The following GALNT1 variants were observed in gnomAD, a reference collection of about 807,000 sequenced individuals.
The protein encoded by GALNT1 is GalNAc transferase 1.
A neutral mutation model predicts 65.7 loss-of-function variants in GALNT1; 17 were observed. The observed-to-expected ratio is 0.26, with a 90% CI of 0.18 to 0.39. GALNT1 has a LOEUF of 0.39. Ranked by LOEUF, GALNT1 falls within the 10% of genes least tolerant of loss-of-function variation. The pLI, the probability that GALNT1 is intolerant of heterozygous loss-of-function variation, is 1.00. For synonymous variants in GALNT1, 210 were observed against 219.7 expected, an observed-to-expected ratio of 0.96 and a Z score of 0.39; for missense variants, 460 against 672.8, an observed-to-expected ratio of 0.68 and a Z score of 3.50.
intron 2 of GALNT1, among the ~76,000 whole-genome samples, chr18:35,662,527 T>A (rs1398997020): frequency 6.6e-6 from 1 of 152,184 alleles, no homozygotes; most frequent in African/African-American, 2.4e-5. Context: ...CACCCTAAAG[T>A]CAGCTTTACC....
chr18:35,686,164 G>C (rs2047864581), intron 5 of GALNT1, among the ~76,000 whole-genome samples: 1 of 152,138 alleles, frequency 6.6e-6, no homozygotes, highest in Admixed American at 6.5e-5. Flanking sequence ...AGCAATGGCA[G>C]TCATAGACTA....
intron 1 of GALNT1, among the ~76,000 whole-genome samples, chr18:35,584,509 A>G (rs940404386): frequency 6.6e-6 from 1 of 152,208 alleles, no homozygotes; most frequent in Non-Finnish European, 1.5e-5. Flanking sequence ...ATGGAGGAAG[A>G]GGAGTGCGGC....
At chr18:35,597,238 T>A (rs1449247593) in intron 1 of GALNT1, 1 of 151,928 alleles carries the variant, frequency 6.6e-6, no homozygotes, top group African/African-American at 2.4e-5. Flanking sequence ...GTACCAGGGG[T>A]GAGAGTAGGG....
At chr18:35,635,305 T>G (rs1481151348) in intron 1 of GALNT1, among the ~76,000 whole-genome samples, 1 of 152,198 alleles carries the variant, frequency 6.6e-6, no homozygotes, top group African/African-American at 2.4e-5. Context: ...GCTAGTCACA[T>G]AAGCACATTC....
At chr18:35,639,320 C>CA (rs990615457) in intron 1 of GALNT1, among the ~76,000 whole-genome samples, 5 of 152,004 alleles carry the variant, frequency 3.3e-5, no homozygotes, top group Admixed American at 3.3e-4. Context: ...CCTCCACCAG[C>CA]AAAAAAATTA....
intron 1 of GALNT1, among the ~76,000 whole-genome samples, chr18:35,613,351 G>C (rs1379051059): frequency 6.6e-6 from 1 of 152,102 alleles, no homozygotes; most frequent in Non-Finnish European, 1.5e-5. Flanking sequence ...CAGCGTGGCA[G>C]AGTAGAGGTT....
intron 1 of GALNT1, among the ~76,000 whole-genome samples, chr18:35,632,137 G>C (rs1241345): frequency 6.6e-6 from 1 of 151,946 alleles, no homozygotes; most frequent in Admixed American, 6.6e-5. Context: ...AAGTAATTTA[G>C]AGATTCAATG....
rs551225177 is a variant in GALNT1 at position 35,619,435 on chromosome 18, C to T, written c.-103-35125C>T. ...AAAAAAAGAATTTCATCTAAGGGTA[C>T]TACTGTCCTTTGAGATTTTTTTTCT... On this transcript the variant is annotated intron_variant, in intron 1 of 11. Coordinates refer to ENST00000269195, the MANE Select transcript of GALNT1 (RefSeq NM_020474.4). Among the ~76,000 whole-genome samples the T allele has an allele frequency of 8.8e-4, 134 of 152,218 alleles. 2 individuals carry two copies. The highest frequency in any genetic ancestry group is 3.1e-3 in the African/African-American group (128 of 41,550).
Position 35,663,567 on chromosome 18 carries a change from G to T in GALNT1, c.140-61G>T. On this transcript the variant is annotated intron_variant, in intron 2 of 11. Transcript: ENST00000269195. ...GTTCAAACACAAATGTTATTAAATA[G>T]AATCATGAATCAATCAATTGCTATG... 2.7e-6 allele frequency: 4 copies of T among 1,497,248 alleles called. No individual in the cohort carries two copies. In the South Asian group the frequency reaches 5.1e-5, roughly 19 times the overall value. 92.7% of individuals were successfully genotyped at this position (1,497,248 alleles called of 1,614,324 possible).
In GALNT1 at chr18:35,647,893, G is replaced by A. The variant is rs553459209; in HGVS notation, c.-103-6667G>A. Reference sequence around the variant, plus strand: ...AATTTGGCATGTGATATTAAGAATAGGATCAGGGTTAGGCGTGGTGGTGCG... The same window carrying A: ...AATTTGGCATGTGATATTAAGAATAAGATCAGGGTTAGGCGTGGTGGTGCG... On this transcript the variant is annotated intron_variant, in intron 1 of 11. Transcript: ENST00000269195. Among the ~76,000 whole-genome samples, 13 of 152,060 alleles carry A rather than the reference G, an allele frequency of 8.5e-5. No individual in the cohort carries two copies. The South Asian group carries it at 2.5e-3, about 29-fold the overall frequency.
intron 8 of GALNT1, 60 bp downstream of exon 8, chr18:35,691,252 G>A: frequency 3.5e-6 from 5 of 1,442,720 alleles, no homozygotes; most frequent in Non-Finnish European, 4.7e-6. Context: ...TGATCCTGGA[G>A]GAGAAGTAAG....
intron 1 of GALNT1, among the ~76,000 whole-genome samples, chr18:35,615,326 G>A (rs959626087): frequency 1.3e-5 from 2 of 152,146 alleles, no homozygotes; most frequent in Non-Finnish European, 2.9e-5. Flanking sequence ...CAGAGCTAAT[G>A]TTACAAATCA....
intron 1 of GALNT1, among the ~76,000 whole-genome samples, chr18:35,582,352 G>A (rs956054376): frequency 6.6e-6 from 1 of 152,176 alleles, no homozygotes; most frequent in African/African-American, 2.4e-5. Context: ...TTTAGGTAAT[G>A]TAGTAGCTTT....
At chr18:35,596,864 G>A (rs1352070631) in intron 1 of GALNT1, 1 of 152,158 alleles carries the variant, frequency 6.6e-6, no homozygotes, top group Non-Finnish European at 1.5e-5. Context: ...TCCAACATGA[G>A]CCCCAGCACA....
chr18:35,594,337 G>A (rs1473491689), intron 1 of GALNT1, among the ~76,000 whole-genome samples: 3 of 152,160 alleles, frequency 2.0e-5, no homozygotes, highest in Non-Finnish European at 4.4e-5. Context: ...TGAGGTGGAA[G>A]GAACTCCGGT....
chr18:35,699,727 A>C (rs2048124238), intron 9 of GALNT1, among the ~76,000 whole-genome samples: 1 of 152,130 alleles, frequency 6.6e-6, no homozygotes, highest in South Asian at 2.1e-4. Flanking sequence ...TCAATTCTTG[A>C]ATGTATTTTC....
intron 1 of GALNT1, among the ~76,000 whole-genome samples, chr18:35,592,207 C>A (rs539930011): frequency 6.6e-6 from 1 of 152,236 alleles, no homozygotes; most frequent in South Asian, 2.1e-4. Flanking sequence ...TCACTGGGCA[C>A]ATATTTATTG....
At chr18:35,673,320 CTATAGTTCTTGACA>C (rs1444613990) in intron 3 of GALNT1, among the ~76,000 whole-genome samples, 3 of 152,162 alleles carry the variant, frequency 2.0e-5, no homozygotes, top group Admixed American at 2.0e-4. Context: ...TTCTTTCATA[CTATAGTTCTTGACA>C]TATATATGGA....
At chr18:35,697,127 T>C (rs1048533726) in intron 9 of GALNT1, among the ~76,000 whole-genome samples, 1 of 152,118 alleles carries the variant, frequency 6.6e-6, no homozygotes, top group Non-Finnish European at 1.5e-5. Context: ...GCTGGGTCTG[T>C]GGATAAAGGA....
Sources: gnomAD v4.1 joint callset for allele counts (sites outside exome capture counted in the v4.1 genomes callset) on GRCh38, gnomAD v4.1.1 for gene constraint, MANE v1.5 for transcripts, NCBI Gene and HGNC (gene_info 2026-07-23, HGNC 2026-07-21) for gene names.